NAA38: variants seen among roughly 807,000 people sequenced by gnomAD.
NAA38 encodes LSM domain containing 1.
In NAA38, 15 loss-of-function variants were observed where a neutral mutation model predicts 12.6. The observed-to-expected ratio is 1.19, with a 90% CI of 0.79 to 1.83. The LOEUF (loss-of-function observed/expected upper bound fraction) is 1.83, where lower values mean the gene tolerates loss of function less well. Ranked by LOEUF, NAA38 falls within the 40% of genes most tolerant of loss-of-function variation. The pLI, the probability that NAA38 is intolerant of heterozygous loss-of-function variation, is 0.00. For missense variants in NAA38, 183 were observed against 171.7 expected (o/e 1.07, Z -0.37); for synonymous variants, 88 against 69.9 (o/e 1.26, Z -1.29).
At chr17:7,872,617 T>C (rs750729941) in intron 2 of NAA38, among the ~76,000 whole-genome samples, 5 of 152,246 alleles carry the variant, frequency 3.3e-5, no homozygotes, top group Non-Finnish European at 7.3e-5. Context: ...CACCTCGGCC[T>C]CGCAAAGTGC....
upstream of NAA38, chr17:7,857,734 C>A: frequency 1.6e-6 from 2 of 1,280,878 alleles, no homozygotes; most frequent in Middle Eastern, 3.0e-4. Context: ...TGGAATTTAG[C>A]GAGAATACAT....
chr17:7,857,714 C>T (rs1597871595), upstream of NAA38: 3 of 1,300,480 alleles, frequency 2.3e-6, no homozygotes, highest in African/African-American at 1.5e-5. Context: ...CTTACACATC[C>T]TTTAGAAACT....
chr17:7,873,262 C>T (rs1308747590), intron 2 of NAA38, among the ~76,000 whole-genome samples: 1 of 152,208 alleles, frequency 6.6e-6, no homozygotes, highest in East Asian at 1.9e-4. Flanking sequence ...CAGGGACTGA[C>T]AAGGAGGAGC....
intron 1 of NAA38, chr17:7,885,055 G>T: frequency 1.0e-6 from 1 of 999,070 alleles, no homozygotes. Context: ...CGCCACCGCT[G>T]CCCCCGCCGC....
upstream of NAA38, chr17:7,859,425 T>G: frequency 1.2e-6 from 2 of 1,614,016 alleles, no homozygotes; most frequent in Non-Finnish European, 8.5e-7. Flanking sequence ...CACCGCTATC[T>G]CCCCTATAAC....
upstream of NAA38, chr17:7,859,779 T>C (rs1339647205): frequency 3.3e-6 from 2 of 611,974 alleles, no homozygotes; most frequent in Non-Finnish European, 5.8e-6. Context: ...TTCCCTGCCT[T>C]CATTACAGTT....
Position 7,857,471 on chromosome 17 carries a change from G to A in NAA38, c.-8C>T, listed in dbSNP as rs986787307. The A allele has an allele frequency of 1.3e-6, 2 of 1,525,880 alleles. No individual in the cohort carries two copies. The highest frequency in any genetic ancestry group is 8.8e-7 in the Non-Finnish European group (1 of 1,136,854). The allele number at this position is 1,525,880 out of a possible 1,614,324, so 94.5% of individuals were successfully genotyped here. ...CGGTCCAGCTCCGGCCATTTGCCCG[G>A]AGGCCTCCTCTGGGCCTTTCAACTT... On this transcript the variant is annotated 5_prime_UTR_variant, in exon 1 of 3. Transcript: ENST00000575771.
chr17:7,856,769 C>A lies in NAA38; in HGVS notation c.340G>T (p.Val114Leu), dbSNP rs778213185. ...GGCCCGGTCAGACTCTCCCTCTGCA[C>A]CTCAATGGAAACGATGTGGTGTCCG... ...VPGHHIVSIE[V>L]QRESLTGPPY... Residue 114 changes from valine to leucine, a missense_variant, in exon 3 of 3, where the codon GTG becomes TTG. Physicochemically the swap from Val to Leu is conservative, Grantham distance 32. Coordinates refer to ENST00000575771, the MANE Select transcript of NAA38 (RefSeq NM_001320925.4). 1.1e-5 allele frequency: 18 copies of A among 1,613,926 alleles called. No individual in the cohort carries two copies. Among genetic ancestry groups the A allele is most frequent in the Non-Finnish European group, 1.4e-5 (17 of 1,180,036 alleles).
intron 1 of NAA38, chr17:7,884,858 T>C: frequency 9.0e-7 from 1 of 1,106,382 alleles, no homozygotes. Context: ...GATGGTGGTG[T>C]CGGAGGAGGA....
intron 1 of NAA38, chr17:7,884,764 C>A (rs1229465459): frequency 8.8e-6 from 1 of 114,200 alleles, no homozygotes; most frequent in Non-Finnish European, 1.4e-5. Context: ...GGGAGGCGGG[C>A]GGGCGGTGGG....
intron 3 of NAA38, chr17:7,866,151 A>G (rs1467662053): frequency 6.2e-6 from 1 of 160,766 alleles, no homozygotes; most frequent in Non-Finnish European, 1.2e-5. Flanking sequence ...CAGCGGCACG[A>G]TCTCGGCTCA....
In NAA38 at chr17:7,857,096, T is replaced by C. The variant is rs1001352322; in HGVS notation, c.184A>G (p.Thr62Ala). ...GTGCAGAGGAAGCAGCCGACCAGTG[T>C]CCGTCCATCTGTCATGCGAATGCGC... is the stretch of plus-strand genomic sequence containing the variant. ...TMRIRMTDGR[T>A]LVGCFLCTDR... is the part of the protein sequence containing the mutation. Residue 62 changes from threonine to alanine, a missense_variant, in exon 2 of 3, where the codon ACA becomes GCA. Physicochemically the swap from Thr to Ala is moderately conservative, Grantham distance 58 (BLOSUM62 0). Coordinates refer to ENST00000575771, the MANE Select transcript of NAA38 (RefSeq NM_001320925.4). 2.5e-6 allele frequency: 4 copies of C among 1,613,408 alleles called. No individual in the cohort carries two copies. The African/African-American group carries it at 5.3e-5, about 22-fold the overall frequency.
chr17:7,869,044 G>T (rs1000570951), intron 2 of NAA38, among the ~76,000 whole-genome samples: 2 of 152,206 alleles, frequency 1.3e-5, no homozygotes, highest in Non-Finnish European at 2.9e-5. Flanking sequence ...CTCAGGTTGT[G>T]AATCTTCTCA....
chr17:7,861,799 A>T (rs1378970753), upstream of NAA38: 1 of 152,288 alleles, frequency 6.6e-6, no homozygotes, highest in African/African-American at 2.4e-5. Flanking sequence ...CAGCTATGAA[A>T]AACAAACCTA....
chr17:7,880,717 G>C (rs1363665247), intron 2 of NAA38, among the ~76,000 whole-genome samples: 1 of 152,148 alleles, frequency 6.6e-6, no homozygotes, highest in Admixed American at 6.5e-5. Context: ...ATATTTATAG[G>C]GTACTTTTTA....
rs570667634 is a variant in NAA38 at position 7,866,396 on chromosome 17, T to C, written c.3+95A>G. On this transcript the variant is annotated intron_variant, in intron 3 of 4. Transcript: ENST00000576861. Reference sequence around the variant, plus strand: ...GTGCTGGAATTACAGGTGTGAGCCATTGCGCCCGGCCGCCACGGGGAACTT... The same window carrying C: ...GTGCTGGAATTACAGGTGTGAGCCACTGCGCCCGGCCGCCACGGGGAACTT... 992 of 1,043,912 alleles carry C rather than the reference T, an allele frequency of 9.5e-4. 3 individuals are homozygous for C. The highest frequency in any genetic ancestry group is 1.8e-3 in the Admixed American group (41 of 23,274). The allele number at this position is 1,043,912 out of a possible 1,614,324, so 64.7% of individuals were successfully genotyped here.
At chr17:7,877,155 AT>A in intron 2 of NAA38, 1 of 291,138 alleles carries the variant, frequency 3.4e-6, no homozygotes, top group Non-Finnish European at 6.9e-6. Context: ...AAGCTACTTA[AT>A]TTTGTTTACA....
chr17:7,868,095 G>A (rs1248019778), intron 2 of NAA38, among the ~76,000 whole-genome samples: 1 of 152,198 alleles, frequency 6.6e-6, no homozygotes, highest in African/African-American at 2.4e-5. Flanking sequence ...AGAGTTATAG[G>A]TGTGGGAATT....
In NAA38 at chr17:7,857,448, G is replaced by A. The variant is rs2078835388; in HGVS notation, c.16C>T (p.Pro6Ser). Reference protein sequence around the residue: MAGAGPTMLLREENGC... With the variant: MAGAGSTMLLREENGC... ...TTCTCTTCTCGTAGCAGCATGGTCGGTCCAGCTCCGGCCATTTGCCCGGAG... is the reference window on the plus strand; with the variant it reads ...TTCTCTTCTCGTAGCAGCATGGTCGATCCAGCTCCGGCCATTTGCCCGGAG... The change falls in exon 1 of 3, where the codon CCG (proline) becomes TCG (serine). Residue 6 changes from proline (P) to serine (S), a missense_variant. Pro to Ser is a moderately conservative substitution (Grantham distance 74, BLOSUM62 -1). Transcript: ENST00000575771. 2 of 1,549,658 alleles carry A rather than the reference G, an allele frequency of 1.3e-6. No homozygotes were observed. Among genetic ancestry groups the A allele is most frequent in the Non-Finnish European group, 1.7e-6 (2 of 1,148,148 alleles).
Sources: allele counts gnomAD v4.1 joint callset (sites outside exome capture counted in the v4.1 genomes callset), GRCh38; gene constraint gnomAD v4.1.1; transcripts MANE v1.5; gene names NCBI Gene and HGNC (gene_info 2026-07-23, HGNC 2026-07-21).